The following LIPI variants were observed in gnomAD, a reference collection of about 807,000 sequenced individuals.
LIPI encodes lipase I.
In LIPI, 59 loss-of-function variants were observed where a neutral mutation model predicts 50.6. The observed-to-expected ratio is 1.16, with a 90% CI of 0.94 to 1.45. The LOEUF (loss-of-function observed/expected upper bound fraction) is 1.45. Ranked by LOEUF, LIPI falls within the 40% of genes most tolerant of loss-of-function variation. The pLI, the probability that LIPI is intolerant of heterozygous loss-of-function variation, is 0.00. For missense variants in LIPI, 586 were observed against 536.3 expected (o/e 1.09, Z -0.92); for synonymous variants, 203 against 178.2 (o/e 1.14, Z -1.11).
At chr21:14,190,459 A>C (rs1211345079) in intron 1 of LIPI, among the ~76,000 whole-genome samples, 1 of 152,180 alleles carries the variant, frequency 6.6e-6, no homozygotes, top group Non-Finnish European at 1.5e-5. Flanking sequence ...GTATTAATGC[A>C]CTTTATGCCA....
At chr21:14,158,087 G>A (rs747305801) in intron 7 of LIPI, among the ~76,000 whole-genome samples, 2 of 151,718 alleles carry the variant, frequency 1.3e-5, no homozygotes, top group Non-Finnish European at 2.9e-5. Flanking sequence ...AGTTGATGCT[G>A]TAATGACTTG....
intron 9 of LIPI, among the ~76,000 whole-genome samples, chr21:14,115,358 A>T (rs1433857390): frequency 2.6e-5 from 4 of 152,200 alleles, no homozygotes; most frequent in Non-Finnish European, 5.9e-5. Context: ...TTCTGTAAGT[A>T]GGCTTCCTGC....
At chr21:14,179,004 G>A (rs1284883349) in intron 4 of LIPI, among the ~76,000 whole-genome samples, 1 of 152,036 alleles carries the variant, frequency 6.6e-6, no homozygotes, top group East Asian at 1.9e-4. Flanking sequence ...AGGCTGATTT[G>A]TTCAGCTTTA....
chr21:14,158,541 A>G (rs920616583), intron 7 of LIPI, among the ~76,000 whole-genome samples: 17 of 150,508 alleles, frequency 1.1e-4, no homozygotes, highest in African/African-American at 3.6e-4. Flanking sequence ...AAAGAACAAA[A>G]TAAACCCAAA....
intron 9 of LIPI, among the ~76,000 whole-genome samples, chr21:14,133,423 CAT>C (rs1390817454): frequency 6.6e-6 from 1 of 152,160 alleles, no homozygotes. Context: ...TAAAATTCCA[CAT>C]CTTTTCACGA....
At chr21:14,115,254 G>A (rs1193410892) in intron 9 of LIPI, among the ~76,000 whole-genome samples, 1 of 152,132 alleles carries the variant, frequency 6.6e-6, no homozygotes, top group Non-Finnish European at 1.5e-5. Flanking sequence ...CAGCTGCAAA[G>A]TTACAAGGTT....
intron 6 of LIPI, among the ~76,000 whole-genome samples, chr21:14,163,776 C>T (rs1004768908): frequency 1.1e-4 from 16 of 151,904 alleles, no homozygotes; most frequent in African/African-American, 3.4e-4. Context: ...ATACTCCATC[C>T]GTATGGCTAT....
chr21:14,155,928 C>G (rs1254193309), intron 7 of LIPI, among the ~76,000 whole-genome samples: 1 of 151,928 alleles, frequency 6.6e-6, no homozygotes, highest in Non-Finnish European at 1.5e-5. Flanking sequence ...AATAGGTTAT[C>G]TTTTTCTCAT....
chr21:14,118,831 C>T (rs2016753706), intron 9 of LIPI, among the ~76,000 whole-genome samples: 1 of 152,116 alleles, frequency 6.6e-6, no homozygotes, highest in South Asian at 2.1e-4. Context: ...CAGAGGTTAA[C>T]CAAGGGATTG....
rs184797967 is a variant in LIPI, at chr21:14,187,248, T to G, written c.433-1179A>C. Reference sequence around the variant, plus strand: ...ATTAGAAGACTACATGAGAGTGTACTTCCACCACACTCTTGGGGAGCTATT... The same window carrying G: ...ATTAGAAGACTACATGAGAGTGTACGTCCACCACACTCTTGGGGAGCTATT... On this transcript the variant is annotated intron_variant, in intron 2 of 9. Coordinates refer to ENST00000681601, the MANE Select transcript of LIPI (RefSeq NM_001302998.2). Among the ~76,000 whole-genome samples the G allele has an allele frequency of 1.1e-3, 164 of 152,292 alleles. 1 individual carries two copies. The highest frequency in any genetic ancestry group is 3.8e-3 in the African/African-American group (160 of 41,562).
At chr21:14,149,809 A>C (rs984555696) in intron 8 of LIPI, among the ~76,000 whole-genome samples, 22 of 152,264 alleles carry the variant, frequency 1.4e-4, no homozygotes, top group Middle Eastern at 6.8e-3. Context: ...GCAAGAGGTG[A>C]GCTCCCATAG....
At chr21:14,125,213 T>G (rs185495922) in intron 9 of LIPI, among the ~76,000 whole-genome samples, 18 of 152,290 alleles carry the variant, frequency 1.2e-4, no homozygotes, top group African/African-American at 4.3e-4. Flanking sequence ...ATGGTGACTC[T>G]GTGGGTAAAT....
chr21:14,126,031 A>G (rs565294653), intron 9 of LIPI, among the ~76,000 whole-genome samples: 21 of 141,374 alleles, frequency 1.5e-4, no homozygotes, highest in Non-Finnish European at 3.0e-5. Flanking sequence ...TCAAACATTT[A>G]AAAAAAAAAG....
intron 4 of LIPI, among the ~76,000 whole-genome samples, chr21:14,166,894 C>A (rs774763650): frequency 1.3e-5 from 2 of 152,300 alleles, no homozygotes; most frequent in East Asian, 3.9e-4. Flanking sequence ...CATGTGCAAG[C>A]CGAAGCAGGG....
At chr21:14,204,659 C>T (rs114987758) in intron 1 of LIPI, among the ~76,000 whole-genome samples, 1,552 of 151,978 alleles carry the variant, frequency 0.01, 31 homozygotes, top group African/African-American at 0.036. Flanking sequence ...AGAATGGGGA[C>T]ACCCATAAAT....
At chr21:14,166,873 G>A (rs1010887509) in intron 4 of LIPI, among the ~76,000 whole-genome samples, 3 of 152,216 alleles carry the variant, frequency 2.0e-5, no homozygotes, top group Admixed American at 6.5e-5. Flanking sequence ...AGGAAAGTGG[G>A]TGCAGCGCAC....
At chr21:14,170,856 T>G (rs1482312214) in intron 4 of LIPI, among the ~76,000 whole-genome samples, 1 of 151,654 alleles carries the variant, frequency 6.6e-6, no homozygotes, top group East Asian at 1.9e-4. Context: ...TGTTGGAAGT[T>G]CTGGCCAGGG....
intron 9 of LIPI, among the ~76,000 whole-genome samples, chr21:14,134,960 C>T (rs1305464593): frequency 6.6e-6 from 1 of 152,022 alleles, no homozygotes; most frequent in East Asian, 1.9e-4. Flanking sequence ...AACTAAAAAG[C>T]TTCTACACAA....
chr21:14,162,573 A>C (rs896547112), intron 7 of LIPI, among the ~76,000 whole-genome samples: 3 of 151,954 alleles, frequency 2.0e-5, no homozygotes, highest in Admixed American at 1.3e-4. Context: ...AAGTATATAC[A>C]GTATCTCTGT....
Sources: gnomAD v4.1 joint callset for allele counts (sites outside exome capture counted in the v4.1 genomes callset) on GRCh38, gnomAD v4.1.1 for gene constraint, MANE v1.5 for transcripts, NCBI Gene and HGNC (gene_info 2026-07-23, HGNC 2026-07-21) for gene names.